The following SEMA6D variants were observed in gnomAD, a reference collection of about 807,000 sequenced individuals.
SEMA6D encodes the protein semaphorin-6D.
Under a neutral mutation model 106.6 loss-of-function variants are expected in SEMA6D, and 35 were observed. The ratio of observed to expected loss-of-function variants is 0.33; its 90% CI spans 0.25 to 0.44. The LOEUF (loss-of-function observed/expected upper bound fraction) is 0.44, where lower values mean the gene tolerates loss of function less well. Ranked by LOEUF, SEMA6D falls within the 20% of genes least tolerant of loss-of-function variation. The pLI is 1.00. For synonymous variants in SEMA6D, 499 were observed against 487.7 expected, an observed-to-expected ratio of 1.02 and a Z score of -0.31; for missense variants, 1,185 against 1,345.9, an observed-to-expected ratio of 0.88 and a Z score of 1.87.
In SEMA6D at chr15:47,318,365, C is replaced by T. The variant is rs1173801815; in HGVS notation, c.-238-94028C>T. Among the ~76,000 whole-genome samples the T allele has an allele frequency of 3.7e-5, 5 of 134,380 alleles. No individual in the cohort carries two copies. In the South Asian group the frequency reaches 1.3e-3, roughly 36 times the overall value. 88.2% of individuals were successfully genotyped at this position (134,380 alleles called of 152,430 possible). On this transcript the variant is annotated intron_variant, in intron 1 of 19. Transcript: ENST00000558014. The stretch of plus-strand genomic sequence containing the variant: ...ATGTGCCATGCTGGTGTGCTGTACC[C>T]ACTAACTCGTCATCTAGCATTAGGT...
chr15:47,382,811 A>G (rs930431092), intron 1 of SEMA6D, among the ~76,000 whole-genome samples: 1 of 152,088 alleles, frequency 6.6e-6, no homozygotes, highest in African/African-American at 2.4e-5. Flanking sequence ...TCTGTTGCCC[A>G]GGCTGAAGTG....
At chr15:47,512,061 T>G (rs1402602234) in intron 3 of SEMA6D, among the ~76,000 whole-genome samples, 1 of 152,202 alleles carries the variant, frequency 6.6e-6, no homozygotes, top group Non-Finnish European at 1.5e-5. Flanking sequence ...AATTAAAGTT[T>G]ATTGAACTTT....
intron 1 of SEMA6D, among the ~76,000 whole-genome samples, chr15:47,211,927 C>G (rs1358171752): frequency 6.6e-6 from 1 of 151,896 alleles, no homozygotes; most frequent in Non-Finnish European, 1.5e-5. Flanking sequence ...ATACTGCAGA[C>G]AGTCAAGTCT....
chr15:47,563,995 TC>T (rs1368245837), intron 3 of SEMA6D, among the ~76,000 whole-genome samples: 1 of 152,212 alleles, frequency 6.6e-6, no homozygotes, highest in Non-Finnish European at 1.5e-5. Flanking sequence ...GATCAGCATC[TC>T]CTTTGTCATA....
intron 1 of SEMA6D, among the ~76,000 whole-genome samples, chr15:47,186,273 A>G (rs1893566258): frequency 6.6e-6 from 1 of 152,142 alleles, no homozygotes; most frequent in Non-Finnish European, 1.5e-5. Flanking sequence ...ACACCTCTCT[A>G]TGACGGCAGT....
intron 4 of SEMA6D, among the ~76,000 whole-genome samples, chr15:47,635,467 A>G (rs1047616223): frequency 1.9e-4 from 29 of 152,228 alleles, no homozygotes; most frequent in African/African-American, 6.8e-4. Flanking sequence ...TAGGCCAAGA[A>G]GAGATGTTTT....
At chr15:47,461,745 A>G (rs559260155) in intron 2 of SEMA6D, among the ~76,000 whole-genome samples, 1 of 152,238 alleles carries the variant, frequency 6.6e-6, no homozygotes, top group Non-Finnish European at 1.5e-5. Flanking sequence ...TTTAAGAGGG[A>G]TGAGCTAAGA....
intron 2 of SEMA6D, among the ~76,000 whole-genome samples, chr15:47,430,987 C>T (rs1300317776): frequency 6.6e-6 from 1 of 152,132 alleles, no homozygotes; most frequent in Non-Finnish European, 1.5e-5. Context: ...TCCCCTGGAT[C>T]ATAGATGGTG....
At chr15:47,464,396 A>G (rs1457634542) in intron 2 of SEMA6D, among the ~76,000 whole-genome samples, 2 of 152,126 alleles carry the variant, frequency 1.3e-5, no homozygotes, top group Non-Finnish European at 2.9e-5. Context: ...GTGCTCGTTA[A>G]GAAAAGGCAC....
At chr15:47,520,388 T>TAG (rs1265557718) in intron 3 of SEMA6D, among the ~76,000 whole-genome samples, 1 of 152,106 alleles carries the variant, frequency 6.6e-6, no homozygotes, top group African/African-American at 2.4e-5. Flanking sequence ...TGACACAAAG[T>TAG]AGTGGTCTTT....
intron 4 of SEMA6D, among the ~76,000 whole-genome samples, chr15:47,695,515 G>GAC (rs752232562): frequency 6.6e-6 from 1 of 151,920 alleles, no homozygotes; most frequent in Middle Eastern, 3.4e-3. Flanking sequence ...CACACGCATA[G>GAC]ACACACACAC....
At chr15:47,511,765 G>T (rs189247519) in intron 3 of SEMA6D, among the ~76,000 whole-genome samples, 6 of 152,104 alleles carry the variant, frequency 3.9e-5, no homozygotes, top group East Asian at 1.9e-4. Context: ...GACTTTAATG[G>T]TGAGGAGTCT....
chr15:47,365,219 A>T (rs1270186011), intron 1 of SEMA6D, among the ~76,000 whole-genome samples: 1 of 152,238 alleles, frequency 6.6e-6, no homozygotes. Flanking sequence ...CAAGGTTAAA[A>T]CTGGAAAGCC....
intron 1 of SEMA6D, among the ~76,000 whole-genome samples, chr15:47,333,771 A>G (rs918333194): frequency 6.6e-6 from 1 of 152,162 alleles, no homozygotes; most frequent in African/African-American, 2.4e-5. Flanking sequence ...AAACATATCC[A>G]TGTGTGCTGA....
At chr15:47,648,396 C>G (rs1252534465) in intron 4 of SEMA6D, among the ~76,000 whole-genome samples, 5 of 152,182 alleles carry the variant, frequency 3.3e-5, no homozygotes, top group African/African-American at 1.2e-4. Flanking sequence ...GCATCCTCTC[C>G]AGGGCTGGTT....
rs891865045 is a variant in SEMA6D at position 47,673,860 on chromosome 15, A to G, written c.-55+72964A>G. On this transcript the variant is annotated intron_variant, in intron 4 of 19. Coordinates refer to the SEMA6D transcript ENST00000558014. Reference sequence around the variant, plus strand: ...GTAGAAAGGCCTCTGCAGGAGGAGTAATGCTACGCTTCCATTCCTTAGGCT... The same window carrying G: ...GTAGAAAGGCCTCTGCAGGAGGAGTGATGCTACGCTTCCATTCCTTAGGCT... 2.0e-5 allele frequency among the ~76,000 whole-genome samples: 3 copies of G among 152,252 alleles called. No individual in the cohort carries two copies. The East Asian group carries it at 5.8e-4, about 29-fold the overall frequency.
rs62001576 is a variant in SEMA6D, at chr15:47,730,239, G to A, written c.-55+12547G>A. ...TCCAGGACGTTGCCGCCCCAGTGAC[G>A]GCGGATCTCATCGTATCTGTCGTTG... is the stretch of plus-strand genomic sequence containing the variant. On this transcript the variant is annotated intron_variant, in intron 1 of 18. Transcript: ENST00000536845. The A allele has an allele frequency of 1.8e-4, 281 of 1,535,468 alleles. No individual in the cohort carries two copies. The East Asian group carries it at 5.9e-3, about 32-fold the overall frequency.
intron 2 of SEMA6D, among the ~76,000 whole-genome samples, chr15:47,433,592 G>C (rs901401183): frequency 2.0e-5 from 3 of 152,030 alleles, no homozygotes; most frequent in Admixed American, 6.6e-5. Flanking sequence ...TATTTTATCA[G>C]AATCTTTTTC....
intron 1 of SEMA6D, among the ~76,000 whole-genome samples, chr15:47,313,113 T>C (rs900812459): frequency 6.6e-6 from 1 of 152,204 alleles, no homozygotes; most frequent in Non-Finnish European, 1.5e-5. Context: ...CTGATGAATC[T>C]TCATTGACAC....
Sources: allele counts gnomAD v4.1 joint callset (sites outside exome capture counted in the v4.1 genomes callset), GRCh38; gene constraint gnomAD v4.1.1; transcripts MANE v1.5; gene names NCBI Gene and HGNC (gene_info 2026-07-23, HGNC 2026-07-21).